DYSF: variants seen among roughly 807,000 people sequenced by gnomAD.
DYSF encodes the protein dystrophy-associated fer-1-like 1.
Under a neutral mutation model 274.9 loss-of-function variants are expected in DYSF, and 212 were observed. The observed-to-expected ratio is 0.77, with a 90% CI of 0.69 to 0.86. The LOEUF (loss-of-function observed/expected upper bound fraction) is 0.86. Among genes scored for constraint, DYSF ranks in the 40% least tolerant of loss-of-function variants. The pLI, the probability that DYSF is intolerant of heterozygous loss-of-function variation, is 0.00. For synonymous variants in DYSF, 1,091 were observed against 1,078.7 expected (o/e 1.01, Z -0.22); for missense variants, 2,666 against 2,783.2 (o/e 0.96, Z 0.95).
chr2:71,611,251 G>GAC lies in DYSF; in HGVS notation c.3968_3969dup (p.Asp1324GlnfsTer40). The GAC allele has an allele frequency of 6.2e-7, 1 of 1,613,518 alleles. No individual in the cohort carries two copies. The highest frequency in any genetic ancestry group is 8.5e-7 in the Non-Finnish European group (1 of 1,179,496). On this transcript the variant is annotated frameshift_variant, in exon 37 of 56. Transcript: ENST00000410020. LOFTEE classifies it high-confidence loss of function. ...TACCTGCTGTCCACTGCAGTCTGAG[G>GAC]ACACAGACCTGCCCTACCCACCACC...
At chr2:71,474,026 G>A (rs557603727) in intron 1 of DYSF, among the ~76,000 whole-genome samples, 1 of 148,048 alleles carries the variant, frequency 6.8e-6, no homozygotes, top group Admixed American at 6.8e-5. Context: ...TCCCGGGTTC[G>A]AGTGATTCTC....
At chr2:71,467,007 C>A in intron 1 of DYSF, 74 bp downstream of exon 1, 1 of 1,521,310 alleles carries the variant, frequency 6.6e-7, no homozygotes, top group Admixed American at 2.0e-5. Flanking sequence ...GGGTCTGAAG[C>A]CCCTGCTCCG....
At chr2:71,514,065 TG>T (rs1187365836) in intron 7 of DYSF, 144 bp downstream of exon 7, 1 of 941,912 alleles carries the variant, frequency 1.1e-6, no homozygotes. Context: ...GTAGTTTCCC[TG>T]GGCCTGGGCA....
intron 42 of DYSF, among the ~76,000 whole-genome samples, chr2:71,652,508 C>T (rs902079624): frequency 9.9e-5 from 15 of 152,224 alleles, no homozygotes; most frequent in African/African-American, 3.1e-4. Flanking sequence ...ATAAACTCAA[C>T]AATAAACACA....
Position 71,679,239 on chromosome 2 carries a change from A to G in DYSF, c.6063+4A>G. On this transcript the variant is annotated splice_donor_region_variant and intron_variant, in intron 53 of 55. Coordinates refer to ENST00000410020, the MANE Select transcript of DYSF (RefSeq NM_001130987.2). ...GGGTGAGAAGAAAATACTGGCGGTA[A>G]GTCTACTTCCTCCAGCCCCAGTGGA... is the stretch of plus-strand genomic sequence containing the variant. 2 of 1,613,782 alleles carry G rather than the reference A, an allele frequency of 1.2e-6. No homozygotes were observed. The highest frequency in any genetic ancestry group is 1.7e-6 in the Non-Finnish European group (2 of 1,179,786).
Position 71,517,015 on chromosome 2 carries a change from A to T in DYSF, c.978A>T (p.Thr326=), listed in dbSNP as rs112007817. ...ITVVDSRSLR[T]DALLGEFRMD... ...TGGTAGACTCTCGTTCTCTCAGGAC[A>T]GATGCTCTCCTCGGGGAGTTCCGGG... The change falls in exon 10 of 56, where the codon ACA becomes ACT. Residue 326 remains threonine, a synonymous_variant. Coordinates refer to ENST00000410020, the MANE Select transcript of DYSF (RefSeq NM_001130987.2). 1.2e-4 allele frequency: 196 copies of T among 1,614,200 alleles called. 1 individual carries two copies. In the African/African-American group the frequency reaches 2.0e-3, roughly 16 times the overall value.
chr2:71,668,840 A>C lies in DYSF; in HGVS notation c.5544A>C (p.Arg1848Ser). The change falls in exon 49 of 56, where the codon AGA (arginine) becomes AGC (serine). Residue 1848 changes from arginine (R) to serine (S), a missense_variant and splice_region_variant. Physicochemically the swap from Arg to Ser is moderately radical, Grantham distance 110. Transcript: ENST00000410020. ...PPFNITPRRA[R>S]RFFLRCIIWN... Reference sequence around the variant, plus strand: ...TCAACATCACCCCACGGAGAGCCAGAAGGTGACTTGCCCAGCCACAGGCTC... The same window carrying C: ...TCAACATCACCCCACGGAGAGCCAGCAGGTGACTTGCCCAGCCACAGGCTC... 1 of 1,612,430 alleles carries C rather than the reference A, an allele frequency of 6.2e-7. No individual in the cohort carries two copies. The highest frequency in any genetic ancestry group is 8.5e-7 in the Non-Finnish European group (1 of 1,179,556).
At chr2:71,601,567 G>A (rs2093551873) in intron 35 of DYSF, 39 bp downstream of exon 35, 3 of 1,613,616 alleles carry the variant, frequency 1.9e-6, no homozygotes, top group Non-Finnish European at 1.7e-6. Context: ...CAAACTGATT[G>A]CCAGTCTCCC....
rs114060577 is a variant in DYSF at position 71,611,200 on chromosome 2, T to A, written c.3958-45T>A. On this transcript the variant is annotated intron_variant, in intron 36 of 55. Coordinates refer to ENST00000410020, the MANE Select transcript of DYSF (RefSeq NM_001130987.2). ...CTTCTCTCTTGTCTTTTTGCCTTGG[T>A]CTTCCTTCCACCTTTGTCTCCATTC... The A allele has an allele frequency of 1.8e-3, 2,638 of 1,443,854 alleles. 45 individuals carry two copies. The African/African-American group carries it at 0.033, about 18-fold the overall frequency. 89.4% of individuals were successfully genotyped at this position (1,443,854 alleles called of 1,614,324 possible).
intron 1 of DYSF, among the ~76,000 whole-genome samples, chr2:71,461,616 C>T (rs1416437432): frequency 1.3e-5 from 2 of 152,220 alleles, no homozygotes; most frequent in African/African-American, 4.8e-5. Flanking sequence ...TATTTAAGAT[C>T]ACCTGGCTGC....
intron 1 of DYSF, among the ~76,000 whole-genome samples, chr2:71,457,005 G>A (rs1455427337): frequency 6.6e-6 from 1 of 152,112 alleles, no homozygotes. Flanking sequence ...ACCAAAAGAT[G>A]GAGGATTCTG....
At position 71,466,863 on chromosome 2, in the gene DYSF, G is replaced by T. The variant is rs1279479383; in HGVS notation, c.21G>T (p.Val7=). The T allele has an allele frequency of 6.5e-7, 1 of 1,544,096 alleles. No homozygotes were observed. The highest frequency in any genetic ancestry group is 1.4e-5 in the African/African-American group (1 of 72,932). Reference sequence around the variant, plus strand: ...CAGCCATGCTGTGCTGCCTGCTGGTGAGGGCCAGCAACCTCCCCAGTGCGA... The same window carrying T: ...CAGCCATGCTGTGCTGCCTGCTGGTTAGGGCCAGCAACCTCCCCAGTGCGA... The part of the protein sequence containing the change: MLCCLL[V]RASNLPSAKK... Residue 7 remains valine, a synonymous_variant, in exon 1 of 56, where the codon GTG becomes GTT. Coordinates refer to ENST00000410020, the MANE Select transcript of DYSF (RefSeq NM_001130987.2).
intron 17 of DYSF, among the ~76,000 whole-genome samples, chr2:71,543,746 CAG>C (rs2090187085): frequency 1.3e-5 from 2 of 152,080 alleles, no homozygotes; most frequent in African/African-American, 4.8e-5. Flanking sequence ...CCTGCAATCG[CAG>C]GCACTCGGCA....
chr2:71,537,831 TCA>T (rs2089540828), intron 16 of DYSF, among the ~76,000 whole-genome samples: 1 of 152,066 alleles, frequency 6.6e-6, no homozygotes, highest in Non-Finnish European at 1.5e-5. Context: ...GCTAAGGCAC[TCA>T]CAACAGGGAG....
upstream of DYSF, among the ~76,000 whole-genome samples, chr2:71,464,809 C>G (rs147082588): frequency 6.6e-6 from 1 of 152,104 alleles, no homozygotes; most frequent in Non-Finnish European, 1.5e-5. Flanking sequence ...GAGCAGGAGA[C>G]GCATTGGGAG....
chr2:71,467,187 C>G (rs959905650), intron 1 of DYSF, among the ~76,000 whole-genome samples: 1 of 152,192 alleles, frequency 6.6e-6, no homozygotes, highest in African/African-American at 2.4e-5. Context: ...TATCACTTTT[C>G]TAAGACTGAC....
At chr2:71,601,155 A>T in intron 34 of DYSF, 1 of 586,170 alleles carries the variant, frequency 1.7e-6, no homozygotes, top group South Asian at 2.0e-5. Context: ...AGGCAAGGGC[A>T]GGATCCCCGT....
At chr2:71,599,062 G>A (rs1284881170) in intron 33 of DYSF, among the ~76,000 whole-genome samples, 1 of 152,350 alleles carries the variant, frequency 6.6e-6, no homozygotes, top group East Asian at 1.9e-4. Flanking sequence ...TCGAGGAGCT[G>A]CGTGGAATCC....
intron 1 of DYSF, among the ~76,000 whole-genome samples, chr2:71,474,818 C>T (rs1217101396): frequency 6.6e-6 from 1 of 152,162 alleles, no homozygotes; most frequent in Admixed American, 6.5e-5. Flanking sequence ...ACACAGATAT[C>T]GCTCAGTTAA....
Sources: gnomAD v4.1 joint callset for allele counts (sites outside exome capture counted in the v4.1 genomes callset) on GRCh38, gnomAD v4.1.1 for gene constraint, MANE v1.5 for transcripts, NCBI Gene and HGNC (gene_info 2026-07-23, HGNC 2026-07-21) for gene names.